The following HRH1 variants were observed in gnomAD, a reference collection of about 807,000 sequenced individuals.
HRH1 encodes histamine H1 receptor.
A neutral mutation model predicts 10.3 loss-of-function variants in HRH1; 6 were observed. That is an observed-to-expected ratio of 0.58 (90% CI 0.32 to 1.15). HRH1 has a LOEUF of 1.15. HRH1 is among the 50% of genes most tolerant of loss of function. The pLI, the probability that HRH1 is intolerant of heterozygous loss-of-function variation, is 0.05. For synonymous variants in HRH1, 242 were observed against 236.7 expected, an observed-to-expected ratio of 1.02 and a Z score of -0.21; for missense variants, 514 against 615.3, an observed-to-expected ratio of 0.84 and a Z score of 1.74.
intron 1 of HRH1, among the ~76,000 whole-genome samples, chr3:11,199,715 C>T (rs961527915): frequency 2.0e-5 from 3 of 152,202 alleles, no homozygotes; most frequent in African/African-American, 7.2e-5. Flanking sequence ...ATATTTGTCG[C>T]CTGCTGTTGA....
intron 1 of HRH1, among the ~76,000 whole-genome samples, chr3:11,196,778 G>A (rs1388627531): frequency 6.6e-6 from 1 of 151,918 alleles, no homozygotes; most frequent in Admixed American, 6.6e-5. Flanking sequence ...GTGATCCATG[G>A]ACTAGCAGCA....
rs140506866 is a variant in HRH1 at position 11,216,197 on chromosome 3, T to C, written c.-35-42806T>C. On this transcript the variant is annotated intron_variant, in intron 1 of 1. Coordinates refer to ENST00000431010, the MANE Select transcript of HRH1 (RefSeq NM_001098212.2). ...AGAATCTAAAATGGTGCAGCCACTATGGAAAACAGTATGGCAGCTCCTCAA... is the reference window on the plus strand; with the variant it reads ...AGAATCTAAAATGGTGCAGCCACTACGGAAAACAGTATGGCAGCTCCTCAA... Among the ~76,000 whole-genome samples, 320 of 152,294 alleles carry C rather than the reference T, an allele frequency of 2.1e-3. 3 individuals carry two copies. Among genetic ancestry groups the C allele is most frequent in the African/African-American group, 7.2e-3 (300 of 41,568 alleles).
intron 1 of HRH1, among the ~76,000 whole-genome samples, chr3:11,143,105 C>A (rs191720173): frequency 2.6e-5 from 4 of 151,910 alleles, no homozygotes; most frequent in Admixed American, 2.6e-4. Context: ...ACAGAGGGGA[C>A]GCAGGGGTCA....
At position 11,205,255 on chromosome 3, in the gene HRH1, C is replaced by T. The variant is rs190223337; in HGVS notation, c.-36+50701C>T. Among the ~76,000 whole-genome samples, 892 of 152,206 alleles carry T rather than the reference C, an allele frequency of 5.9e-3. 34 individuals are homozygous for T. Among genetic ancestry groups the T allele is most frequent in the Non-Finnish European group, 7.6e-4 (52 of 68,002 alleles). ...CCCACCCTAAATAGAACGCATTGTA[C>T]GGAAACTGCTTGCATCATGTGATCC... is the stretch of plus-strand genomic sequence containing the variant. On this transcript the variant is annotated intron_variant, in intron 1 of 1. Transcript: ENST00000431010.
Position 11,234,446 on chromosome 3 carries a change from G to A in HRH1, c.-35-24557G>A, listed in dbSNP as rs142637207. On this transcript the variant is annotated intron_variant, in intron 1 of 1. Coordinates refer to ENST00000431010, the MANE Select transcript of HRH1 (RefSeq NM_001098212.2). ...ACAGTCTGACCCCTTGATCTCCTCC[G>A]TGCTATAGTGGAAGCAGGAAAAGGC... 2.3e-4 allele frequency: 373 copies of A among 1,597,244 alleles called. 1 individual carries two copies. The East Asian group carries it at 2.5e-3, about 11-fold the overall frequency.
At chr3:11,180,861 G>A (rs899847938) in intron 1 of HRH1, among the ~76,000 whole-genome samples, 2 of 151,750 alleles carry the variant, frequency 1.3e-5, no homozygotes, top group African/African-American at 4.8e-5. Flanking sequence ...TCAGTTGACA[G>A]ATATTTGGAT....
chr3:11,248,515 A>G (rs1939549254), intron 1 of HRH1, among the ~76,000 whole-genome samples: 1 of 152,204 alleles, frequency 6.6e-6, no homozygotes, highest in African/African-American at 2.4e-5. Flanking sequence ...GGGATAGCCA[A>G]CTGAATTACA....
intron 1 of HRH1, among the ~76,000 whole-genome samples, chr3:11,212,763 T>C (rs1385846166): frequency 6.6e-6 from 1 of 152,336 alleles, no homozygotes; most frequent in South Asian, 2.1e-4. Context: ...TTCTGGGAGT[T>C]GTCCTTTAGT....
chr3:11,201,054 G>C (rs1937887021), intron 1 of HRH1, among the ~76,000 whole-genome samples: 1 of 152,234 alleles, frequency 6.6e-6, no homozygotes, highest in Non-Finnish European at 1.5e-5. Context: ...TCAAAATGCT[G>C]TGTGCAGTTT....
At chr3:11,217,256 G>A (rs1247497881) in intron 1 of HRH1, among the ~76,000 whole-genome samples, 4 of 151,404 alleles carry the variant, frequency 2.6e-5, no homozygotes, top group Admixed American at 6.6e-5. Context: ...GGGGCCAGGC[G>A]CAGTGGCTCA....
At position 11,227,309 on chromosome 3, in the gene HRH1, C is replaced by T. The variant is rs969359798; in HGVS notation, c.-35-31694C>T. 5.3e-5 allele frequency among the ~76,000 whole-genome samples: 8 copies of T among 149,616 alleles called. No individual in the cohort carries two copies. In the South Asian group the frequency reaches 1.1e-3, roughly 20 times the overall value. On this transcript the variant is annotated intron_variant, in intron 1 of 1. Coordinates refer to ENST00000431010, the MANE Select transcript of HRH1 (RefSeq NM_001098212.2). ...ATCTTTTTTTTTTTTTTTCCTCAGG[C>T]GGAGTCTCGCTCTGTCCCCCAGGCT...
chr3:11,191,663 C>G (rs981241384), intron 1 of HRH1, among the ~76,000 whole-genome samples: 10 of 152,190 alleles, frequency 6.6e-5, no homozygotes, highest in African/African-American at 2.4e-4. Flanking sequence ...GGAGACAGCC[C>G]CAGACTCAGT....
chr3:11,247,204 C>T (rs1331333196), intron 1 of HRH1, among the ~76,000 whole-genome samples: 2 of 152,076 alleles, frequency 1.3e-5, no homozygotes, highest in African/African-American at 2.4e-5. Flanking sequence ...TGCCTGTAAT[C>T]CCAGCTACTT....
In HRH1 at chr3:11,185,052, A is replaced by C. The variant is rs200138139; in HGVS notation, c.-36+30498A>C. 3.0e-3 allele frequency among the ~76,000 whole-genome samples: 430 copies of C among 145,056 alleles called. 15 individuals carry two copies. The East Asian group carries it at 0.076, about 26-fold the overall frequency. ...CAGTACTAATTTAAAAAAAAAAAAA[A>C]CCCTGCCAGTAGCTTCCCATTGTAT... On this transcript the variant is annotated intron_variant, in intron 1 of 1. Transcript: ENST00000431010.
intron 1 of HRH1, among the ~76,000 whole-genome samples, chr3:11,204,328 A>G (rs1349153870): frequency 6.6e-6 from 1 of 152,140 alleles, no homozygotes; most frequent in Non-Finnish European, 1.5e-5. Context: ...TAGATAAATG[A>G]TGTTAGGAGA....
Position 11,154,495 on chromosome 3 carries a change from A to C in HRH1, c.-95A>C, listed in dbSNP as rs1477826947. 1 of 149,292 alleles carries C rather than the reference A, an allele frequency of 6.7e-6. No homozygotes were observed. The highest frequency in any genetic ancestry group is 1.5e-5 in the Non-Finnish European group (1 of 66,886). 9.2% of individuals were successfully genotyped at this position (149,292 alleles called of 1,614,324 possible). A position where few individuals can be genotyped will look rare whatever the true frequency, so the allele number is the denominator to read the frequency against. On this transcript the variant is annotated 5_prime_UTR_variant, in exon 1 of 2. Coordinates refer to ENST00000431010, the MANE Select transcript of HRH1 (RefSeq NM_001098212.2). The surrounding 1 kb of genome is among the most constrained non-coding windows in gnomAD (Gnocchi z 4.4). ...GCGCCCCCGCCGCCGCCCCCGCGACACCCAGCAGCCTGGCCGCCGCGGCCA... is the reference window on the plus strand; with the variant it reads ...GCGCCCCCGCCGCCGCCCCCGCGACCCCCAGCAGCCTGGCCGCCGCGGCCA...
chr3:11,212,281 T>C (rs777428592), intron 1 of HRH1, among the ~76,000 whole-genome samples: 6 of 152,206 alleles, frequency 3.9e-5, no homozygotes, highest in Non-Finnish European at 5.9e-5. Context: ...GAAAAAGCTT[T>C]ATATATATGT....
chr3:11,192,793 G>A (rs906755815), intron 1 of HRH1, among the ~76,000 whole-genome samples: 7 of 152,056 alleles, frequency 4.6e-5, no homozygotes, highest in Admixed American at 6.6e-5. Context: ...GATAAGATGG[G>A]CACTCAACAG....
intron 1 of HRH1, among the ~76,000 whole-genome samples, chr3:11,256,450 C>T (rs1007990127): frequency 6.6e-6 from 1 of 152,160 alleles, no homozygotes; most frequent in African/African-American, 2.4e-5. Context: ...AAGGTTCCTT[C>T]CACAAGGATC....
Sources: gnomAD v4.1 joint callset for allele counts (sites outside exome capture counted in the v4.1 genomes callset) on GRCh38, gnomAD v4.1.1 for gene constraint, Gnocchi (gnomAD v3.1) non-coding constraint, MANE v1.5 for transcripts, NCBI Gene and HGNC (gene_info 2026-07-23, HGNC 2026-07-21) for gene names.